Variants in L3MBTL4 observed in about 807,000 individuals in gnomAD.
The protein encoded by L3MBTL4 is L3MBTL histone methyl-lysine binding protein 4.
Under a neutral mutation model 84.5 loss-of-function variants are expected in L3MBTL4, and 70 were observed. The ratio of observed to expected loss-of-function variants is 0.83; its 90% CI spans 0.68 to 1.01. L3MBTL4 has a LOEUF of 1.01. Among genes scored for constraint, L3MBTL4 ranks in the 50% least tolerant of loss-of-function variants. The pLI is 0.00. For missense variants in L3MBTL4, 715 were observed against 754.8 expected (o/e 0.95, Z 0.62); for synonymous variants, 274 against 259.8 (o/e 1.05, Z -0.52).
intron 1 of L3MBTL4, among the ~76,000 whole-genome samples, chr18:6,409,336 T>C (rs895310956): frequency 3.3e-5 from 5 of 152,210 alleles, no homozygotes; most frequent in African/African-American, 1.2e-4. Flanking sequence ...TTTTATATGT[T>C]GTCACTCCAG....
chr18:6,168,481 T>G (rs1227240080), intron 13 of L3MBTL4, among the ~76,000 whole-genome samples: 2 of 152,032 alleles, frequency 1.3e-5, no homozygotes, highest in African/African-American at 4.8e-5. Context: ...AAAACAGAGA[T>G]ACAGACCAAT....
Position 6,244,583 on chromosome 18 carries a change from C to T in L3MBTL4, c.225G>A (p.Gln75=), listed in dbSNP as rs1248133640. The T allele has an allele frequency of 6.2e-7, 1 of 1,608,642 alleles. No individual in the cohort carries two copies. The highest frequency in any genetic ancestry group is 1.1e-5 in the South Asian group (1 of 90,852). ...AAPVELFSKD[Q]SFPEHENGFQ... ...AACCATTTTCATGCTCTGGAAAGGACTGATCCTACAAAATTTCACGACATA... is the reference window on the plus strand; with the variant it reads ...AACCATTTTCATGCTCTGGAAAGGATTGATCCTACAAAATTTCACGACATA... Residue 75 remains glutamine, a synonymous_variant, in exon 6 of 19, where the codon CAG becomes CAA. Coordinates refer to ENST00000317931, the MANE Select transcript of L3MBTL4 (RefSeq NM_001330559.2).
At chr18:5,999,054 A>G (rs771237864) in intron 16 of L3MBTL4, among the ~76,000 whole-genome samples, 7 of 152,222 alleles carry the variant, frequency 4.6e-5, no homozygotes, top group African/African-American at 1.2e-4. Flanking sequence ...ACTCTTTAGC[A>G]TGGTGTCCAA....
intron 1 of L3MBTL4, among the ~76,000 whole-genome samples, chr18:6,401,786 C>T (rs1189397870): frequency 2.0e-5 from 3 of 152,194 alleles, no homozygotes; most frequent in Admixed American, 1.3e-4. Flanking sequence ...CAAGACCAGG[C>T]TAACGTGGGC....
chr18:6,129,429 CATT>C (rs760060983), intron 14 of L3MBTL4, among the ~76,000 whole-genome samples: 5 of 147,592 alleles, frequency 3.4e-5, no homozygotes, highest in Non-Finnish European at 7.4e-5. Context: ...CTCATTTCAT[CATT>C]AAGTTTGGTA....
intron 1 of L3MBTL4, among the ~76,000 whole-genome samples, chr18:6,387,937 A>G (rs956237912): frequency 6.6e-6 from 1 of 152,220 alleles, no homozygotes; most frequent in Non-Finnish European, 1.5e-5. Context: ...AAAGTTGATT[A>G]AGAAGTCACA....
At chr18:6,169,568 C>T (rs983932518) in intron 13 of L3MBTL4, among the ~76,000 whole-genome samples, 15 of 151,136 alleles carry the variant, frequency 9.9e-5, no homozygotes. Context: ...TCTCAGCCAC[C>T]CATCACAAGG....
intron 14 of L3MBTL4, among the ~76,000 whole-genome samples, chr18:6,111,858 A>C (rs1598786405): frequency 6.6e-6 from 1 of 152,296 alleles, no homozygotes; most frequent in Admixed American, 6.5e-5. Context: ...AACAATTAAA[A>C]TCTACTCTCT....
intron 11 of L3MBTL4, among the ~76,000 whole-genome samples, chr18:6,214,798 T>C (rs1380727412): frequency 6.6e-6 from 1 of 152,192 alleles, no homozygotes; most frequent in South Asian, 2.1e-4. Flanking sequence ...GAATCCACAA[T>C]AACCCAGGAC....
intron 17 of L3MBTL4, among the ~76,000 whole-genome samples, chr18:5,967,188 C>A (rs1051813278): frequency 3.0e-4 from 46 of 152,346 alleles, no homozygotes; most frequent in Admixed American, 2.5e-3. Context: ...AAACCAGGCC[C>A]ATCTCCCGGT....
chr18:6,330,588 C>A (rs2051981113), intron 1 of L3MBTL4, among the ~76,000 whole-genome samples: 1 of 152,224 alleles, frequency 6.6e-6, no homozygotes, highest in Admixed American at 6.5e-5. Flanking sequence ...CCCTTAAAGT[C>A]AGCTGATCAG....
intron 1 of L3MBTL4, among the ~76,000 whole-genome samples, chr18:6,406,285 C>T (rs1352260821): frequency 6.6e-6 from 1 of 152,210 alleles, no homozygotes; most frequent in Non-Finnish European, 1.5e-5. Flanking sequence ...TATGTCTTCA[C>T]CACAGTTTGA....
At chr18:6,237,518 C>T (rs914155002) in intron 10 of L3MBTL4, among the ~76,000 whole-genome samples, 5 of 138,380 alleles carry the variant, frequency 3.6e-5, no homozygotes, top group East Asian at 4.5e-4. Context: ...TGCAGTGACA[C>T]GATCTCGGCT....
intron 10 of L3MBTL4, 29 bp downstream of exon 10, chr18:6,237,935 T>C (rs1042200929): frequency 1.9e-6 from 3 of 1,591,932 alleles, no homozygotes; most frequent in African/African-American, 1.3e-5. Flanking sequence ...CAGAGATGAC[T>C]TCAAAGAAAA....
At chr18:6,183,388 A>G (rs1308497215) in intron 12 of L3MBTL4, among the ~76,000 whole-genome samples, 1 of 152,210 alleles carries the variant, frequency 6.6e-6, no homozygotes, top group Non-Finnish European at 1.5e-5. Flanking sequence ...GAACTGGACC[A>G]CCGTGGCCGA....
intron 13 of L3MBTL4, among the ~76,000 whole-genome samples, chr18:6,156,432 C>CTGCTCA (rs1568216790): frequency 0.013 from 1,998 of 152,298 alleles, 46 homozygotes; most frequent in African/African-American, 0.045. Flanking sequence ...TTCAGACAGT[C>CTGCTCA]AGTTGATTGC....
intron 5 of L3MBTL4, among the ~76,000 whole-genome samples, chr18:6,250,214 G>T (rs747332378): frequency 3.3e-5 from 5 of 152,142 alleles, no homozygotes; most frequent in African/African-American, 4.8e-5. Context: ...CACACCTCTT[G>T]ACAAAAGCAG....
At chr18:6,395,931 C>G (rs2055252003) in intron 1 of L3MBTL4, 1 of 152,128 alleles carries the variant, frequency 6.6e-6, no homozygotes, top group Non-Finnish European at 1.5e-5. Flanking sequence ...CTTCTAACTA[C>G]TAAAACTGTC....
At chr18:6,030,232 T>A in intron 16 of L3MBTL4, 1 of 925,798 alleles carries the variant, frequency 1.1e-6, no homozygotes, top group Non-Finnish European at 1.3e-6. Context: ...AACTGAAGGC[T>A]GAGGATCAGG....
Sources: allele counts gnomAD v4.1 joint callset (sites outside exome capture counted in the v4.1 genomes callset), GRCh38; gene constraint gnomAD v4.1.1; transcripts MANE v1.5; gene names NCBI Gene and HGNC (gene_info 2026-07-23, HGNC 2026-07-21).